Variants in ZFPM2 observed in about 807,000 individuals in gnomAD.
ZFPM2 encodes the protein zinc finger protein ZFPM2.
A neutral mutation model predicts 98.6 loss-of-function variants in ZFPM2; 20 were observed. The observed-to-expected ratio is 0.20, with a 90% confidence interval of 0.14 to 0.29. ZFPM2 has a LOEUF of 0.29. ZFPM2 is among the 10% of genes least tolerant of loss of function. The pLI is 1.00. For missense variants in ZFPM2, 1,310 were observed against 1,388.6 expected (o/e 0.94, Z 0.90); for synonymous variants, 518 against 502.7 (o/e 1.03, Z -0.41).
intron 3 of ZFPM2, among the ~76,000 whole-genome samples, chr8:105,549,810 T>A (rs1348642209): frequency 6.6e-6 from 1 of 151,754 alleles, no homozygotes; most frequent in East Asian, 1.9e-4. Flanking sequence ...AGATATGGTC[T>A]CACTATGTGA....
chr8:105,597,262 T>C (rs1466263560), intron 4 of ZFPM2, among the ~76,000 whole-genome samples: 7 of 152,156 alleles, frequency 4.6e-5, no homozygotes, highest in African/African-American at 1.7e-4. Flanking sequence ...TAAAATGCTA[T>C]TTCATTTTCT....
intron 4 of ZFPM2, among the ~76,000 whole-genome samples, chr8:105,565,177 A>G (rs1246616590): frequency 6.6e-6 from 1 of 152,126 alleles, no homozygotes; most frequent in African/African-American, 2.4e-5. Context: ...CTTCAAGTAC[A>G]TTAGCAATAT....
chr8:105,607,559 A>G (rs1816221114), intron 4 of ZFPM2, among the ~76,000 whole-genome samples: 1 of 152,084 alleles, frequency 6.6e-6, no homozygotes, highest in Admixed American at 6.6e-5. Flanking sequence ...CACAGTGGCA[A>G]GAAGTATAAC....
chr8:105,670,537 A>G (rs1265825323), intron 5 of ZFPM2, among the ~76,000 whole-genome samples: 1 of 151,120 alleles, frequency 6.6e-6, no homozygotes, highest in Non-Finnish European at 1.5e-5. Flanking sequence ...CTATACAACA[A>G]CATTCTGTGT....
chr8:105,506,994 A>G (rs1389997802), intron 3 of ZFPM2, among the ~76,000 whole-genome samples: 1 of 151,854 alleles, frequency 6.6e-6, no homozygotes, highest in Non-Finnish European at 1.5e-5. Context: ...TCTCCAAAAA[A>G]AAAAAAAAAA....
intron 5 of ZFPM2, among the ~76,000 whole-genome samples, chr8:105,784,213 G>A (rs190097507): frequency 2.5e-4 from 38 of 152,180 alleles, no homozygotes; most frequent in Admixed American, 1.5e-3. Flanking sequence ...CCACTCAATT[G>A]TAAATTAAAG....
At chr8:105,416,019 C>T (rs1324378517) in intron 1 of ZFPM2, among the ~76,000 whole-genome samples, 1 of 151,852 alleles carries the variant, frequency 6.6e-6, no homozygotes, top group African/African-American at 2.4e-5. Context: ...CATATAGGTG[C>T]TTCTTTTTAA....
chr8:105,555,702 A>C (rs1318647873), intron 3 of ZFPM2, among the ~76,000 whole-genome samples: 1 of 152,186 alleles, frequency 6.6e-6, no homozygotes, highest in Non-Finnish European at 1.5e-5. Context: ...AAACTGTATG[A>C]TATTGGACTA....
intron 5 of ZFPM2, among the ~76,000 whole-genome samples, chr8:105,660,266 C>A (rs1486450651): frequency 6.6e-6 from 1 of 152,010 alleles, no homozygotes; most frequent in Non-Finnish European, 1.5e-5. Context: ...GACAGTGCTT[C>A]GAGTATGCTT....
chr8:105,605,998 T>G (rs1816189502), intron 4 of ZFPM2, among the ~76,000 whole-genome samples: 1 of 152,126 alleles, frequency 6.6e-6, no homozygotes, highest in Non-Finnish European at 1.5e-5. Context: ...GGTATGGAAG[T>G]GACTGGTCAT....
At chr8:105,730,923 G>A (rs932882742) in intron 5 of ZFPM2, among the ~76,000 whole-genome samples, 3 of 151,440 alleles carry the variant, frequency 2.0e-5, no homozygotes, top group Non-Finnish European at 4.4e-5. Context: ...AAGAGGCTAT[G>A]ACATTATGTC....
intron 3 of ZFPM2, among the ~76,000 whole-genome samples, chr8:105,533,295 AT>A (rs1814336252): frequency 1.3e-5 from 2 of 152,106 alleles, no homozygotes; most frequent in South Asian, 4.1e-4. Context: ...ATGTTTATAG[AT>A]TTTGATGAAA....
At chr8:105,321,508 A>T (rs1812024610) in intron 1 of ZFPM2, among the ~76,000 whole-genome samples, 1 of 152,198 alleles carries the variant, frequency 6.6e-6, no homozygotes, top group Admixed American at 6.5e-5. Flanking sequence ...AAACATACCC[A>T]ATTTGAAGCA....
chr8:105,777,511 C>T (rs1813131298), intron 5 of ZFPM2, among the ~76,000 whole-genome samples: 1 of 152,130 alleles, frequency 6.6e-6, no homozygotes, highest in African/African-American at 2.4e-5. Context: ...TCCCTTCTCC[C>T]AAGAAGTTCT....
At chr8:105,598,119 C>A (rs569508475) in intron 4 of ZFPM2, among the ~76,000 whole-genome samples, 2 of 149,584 alleles carry the variant, frequency 1.3e-5, no homozygotes, top group Non-Finnish European at 3.0e-5. Context: ...CAGCATTGGC[C>A]CAGAATGCCT....
intron 5 of ZFPM2, among the ~76,000 whole-genome samples, chr8:105,669,042 T>C (rs377328860): frequency 6.6e-6 from 1 of 152,142 alleles, no homozygotes; most frequent in African/African-American, 2.4e-5. Context: ...GAGGACTACA[T>C]TTGGAATGTT....
At chr8:105,362,437 C>T (rs1183308913) in intron 1 of ZFPM2, among the ~76,000 whole-genome samples, 1 of 151,278 alleles carries the variant, frequency 6.6e-6, no homozygotes, top group Non-Finnish European at 1.5e-5. Flanking sequence ...GTTATAATGC[C>T]CTAGAGGGTT....
At chr8:105,465,710 G>T (rs957645949) in intron 3 of ZFPM2, among the ~76,000 whole-genome samples, 1 of 151,900 alleles carries the variant, frequency 6.6e-6, no homozygotes, top group African/African-American at 2.4e-5. Flanking sequence ...GAGAATTAAA[G>T]CTGCTATTTC....
In ZFPM2 at chr8:105,488,535, G is replaced by A. The variant is rs192001278; in HGVS notation, c.301+44154G>A. Among the ~76,000 whole-genome samples, 6 of 152,236 alleles carry A rather than the reference G, an allele frequency of 3.9e-5. No homozygotes were observed. In the South Asian group the frequency reaches 1.2e-3, roughly 32 times the overall value. On this transcript the variant is annotated intron_variant, in intron 3 of 7. Transcript: ENST00000407775. ...CCAGCACTTTGGGAGGCTGAGGCAGGTGGATCACAAGGTCAGGAGTTCAAG... is the reference window on the plus strand; with the variant it reads ...CCAGCACTTTGGGAGGCTGAGGCAGATGGATCACAAGGTCAGGAGTTCAAG...
Sources: gnomAD v4.1 joint callset for allele counts (sites outside exome capture counted in the v4.1 genomes callset) on GRCh38, gnomAD v4.1.1 for gene constraint, MANE v1.5 for transcripts, NCBI Gene and HGNC (gene_info 2026-07-23, HGNC 2026-07-21) for gene names.